Variants in COL27A1 observed in about 807,000 individuals in gnomAD.
COL27A1 encodes the protein collagen alpha-1(XXVII) chain.
COL27A1 carries 106 observed loss-of-function variants against 251.3 expected under a neutral mutation model. The ratio of observed to expected loss-of-function variants is 0.42; its 90% CI spans 0.36 to 0.50. The LOEUF is 0.50. Ranked by LOEUF, COL27A1 falls within the 20% of genes least tolerant of loss-of-function variation. COL27A1 has a pLI of 0.00. For synonymous variants in COL27A1, 1,000 were observed against 986.3 expected, an observed-to-expected ratio of 1.01 and a Z score of -0.26; for missense variants, 2,325 against 2,522.8, an observed-to-expected ratio of 0.92 and a Z score of 1.68.
In COL27A1 at chr9:114,252,604, C is replaced by T. The variant is rs1280779061; in HGVS notation, c.3045C>T (p.Gly1015=). ...TGTCTCCATCACAGGGTGATCGTGGCATGATGGGACCCCCAGGCGTGCCTG... is the reference window on the plus strand; with the variant it reads ...TGTCTCCATCACAGGGTGATCGTGGTATGATGGGACCCCCAGGCGTGCCTG... ...PGIVGEKGDR[G]MMGPPGVPGP... is the part of the protein sequence containing the mutation. The change falls in exon 26 of 61, where the codon GGC becomes GGT. Residue 1015 remains glycine, a synonymous_variant. Coordinates refer to ENST00000356083, the MANE Select transcript of COL27A1 (RefSeq NM_032888.4). The T allele has an allele frequency of 1.2e-6, 2 of 1,613,932 alleles. No individual in the cohort carries two copies. Among genetic ancestry groups the T allele is most frequent in the East Asian group, 4.5e-5 (2 of 44,880 alleles).
chr9:114,238,127 A>G (rs1832522343), intron 19 of COL27A1, among the ~76,000 whole-genome samples: 1 of 152,230 alleles, frequency 6.6e-6, no homozygotes, highest in South Asian at 2.1e-4. Context: ...GCTTCCGGGT[A>G]TGGGGAGCAA....
At chr9:114,214,931 C>A (rs1405271499) in intron 12 of COL27A1, among the ~76,000 whole-genome samples, 2 of 152,278 alleles carry the variant, frequency 1.3e-5, no homozygotes, top group African/African-American at 2.4e-5. Context: ...GTTTCCCAGC[C>A]AAGGGTCTCT....
chr9:114,288,995 G>A (rs201111332), intron 44 of COL27A1, 28 bp downstream of exon 44: 9 of 1,612,620 alleles, frequency 5.6e-6, no homozygotes, highest in Non-Finnish European at 7.6e-6. Context: ...TCCCATCCCT[G>A]CCTCCCACCC....
chr9:114,292,258 C>A, intron 49 of COL27A1, 48 bp downstream of exon 49: 10 of 1,377,910 alleles, frequency 7.3e-6, no homozygotes, highest in Non-Finnish European at 1.0e-5. Context: ...CACACATGCA[C>A]ACACTCACAT....
chr9:114,300,171 C>A (rs370585451), intron 50 of COL27A1, 48 bp downstream of exon 50: 1 of 1,537,706 alleles, frequency 6.5e-7, no homozygotes, highest in Non-Finnish European at 9.0e-7. Context: ...CATCCATTCA[C>A]CCCATTCATT....
At chr9:114,202,220 G>A (rs1196666488) in intron 7 of COL27A1, among the ~76,000 whole-genome samples, 3 of 152,204 alleles carry the variant, frequency 2.0e-5, no homozygotes, top group African/African-American at 7.2e-5. Context: ...TGCTTCCTTT[G>A]TGGGGAGGTT....
intron 27 of COL27A1, among the ~76,000 whole-genome samples, chr9:114,254,739 G>A (rs1267385049): frequency 6.6e-6 from 1 of 152,182 alleles, no homozygotes; most frequent in Admixed American, 6.5e-5. Context: ...AGGGAAGCAA[G>A]GCCAACTCAG....
chr9:114,288,780 T>C (rs764182462), intron 43 of COL27A1, 25 bp downstream of exon 43: 1 of 1,606,980 alleles, frequency 6.2e-7, no homozygotes. Context: ...TCCTACCTGC[T>C]GGCAGGATCG....
At chr9:114,187,026 G>A (rs116288210) in intron 5 of COL27A1, among the ~76,000 whole-genome samples, 209 of 152,344 alleles carry the variant, frequency 1.4e-3, no homozygotes, top group African/African-American at 4.5e-3. Flanking sequence ...CTCTGGTCTG[G>A]TCCACTTGGT....
Position 114,208,174 on chromosome 9 carries a change from G to A in COL27A1, c.2269-1501G>A, listed in dbSNP as rs761572686. 6.2e-4 allele frequency among the ~76,000 whole-genome samples: 95 copies of A among 152,102 alleles called. 1 individual carries two copies. The highest frequency in any genetic ancestry group is 2.2e-3 in the African/African-American group (92 of 41,450). On this transcript the variant is annotated intron_variant, in intron 10 of 60. Coordinates refer to ENST00000356083, the MANE Select transcript of COL27A1 (RefSeq NM_032888.4). ...TCCTCAGGGCTGGGCGCGGTGGCTCGTGCCTGTAATCCCAGCATTTTGGGA... is the reference window on the plus strand; with the variant it reads ...TCCTCAGGGCTGGGCGCGGTGGCTCATGCCTGTAATCCCAGCATTTTGGGA...
chr9:114,182,601 C>G (rs1828018813), intron 4 of COL27A1, among the ~76,000 whole-genome samples: 1 of 152,068 alleles, frequency 6.6e-6, no homozygotes, highest in African/African-American at 2.4e-5. Context: ...CCTGAAGAAG[C>G]TGGGAAGGGC....
At chr9:114,186,578 A>G (rs1473011197) in intron 5 of COL27A1, among the ~76,000 whole-genome samples, 1 of 152,218 alleles carries the variant, frequency 6.6e-6, no homozygotes, top group African/African-American at 2.4e-5. Context: ...ACACCTTCTC[A>G]GAGGGCAGGA....
intron 5 of COL27A1, among the ~76,000 whole-genome samples, chr9:114,185,047 G>A (rs1828234722): frequency 6.6e-6 from 1 of 152,150 alleles, no homozygotes; most frequent in Admixed American, 6.5e-5. Context: ...AGAGCACTGT[G>A]GAACCTCAGT....
chr9:114,295,406 A>G (rs1187002221), intron 49 of COL27A1, among the ~76,000 whole-genome samples: 2 of 152,228 alleles, frequency 1.3e-5, no homozygotes, highest in African/African-American at 4.8e-5. Context: ...TGTAAAGCTT[A>G]TCGGGTTTTC....
rs139712391 is a variant in COL27A1 at position 114,179,832 on chromosome 9, C to CTTTTTT, written c.1962+1509_1962+1514dup. On this transcript the variant is annotated intron_variant, in intron 4 of 60. Transcript: ENST00000356083. ...GCAGTCTGCCTCCAGAGCCTACCAT[C>CTTTTTT]TTTTTTTTTTTTTTTTTTTTTTTTT... 2.3e-4 allele frequency among the ~76,000 whole-genome samples: 23 copies of CTTTTTT among 100,190 alleles called. 2 individuals are homozygous for CTTTTTT. Among genetic ancestry groups the CTTTTTT allele is most frequent in the African/African-American group, 7.0e-4 (19 of 27,300 alleles). The allele number at this position is 100,190 out of a possible 152,430, so 65.7% of individuals were successfully genotyped here.
At chr9:114,301,818 C>A in intron 55 of COL27A1, 101 bp downstream of exon 55, 2 of 1,184,176 alleles carry the variant, frequency 1.7e-6, no homozygotes, top group South Asian at 1.4e-5. Context: ...CTGAACCCCA[C>A]AGGGGTTCTT....
At position 114,304,869 on chromosome 9, in the gene COL27A1, C is replaced by A. The variant is rs146681916; in HGVS notation, c.4938+196C>A. Among the ~76,000 whole-genome samples, 455 of 152,304 alleles carry A rather than the reference C, an allele frequency of 3.0e-3. 4 individuals are homozygous for A. The highest frequency in any genetic ancestry group is 0.012 in the East Asian group (64 of 5,178). The stretch of plus-strand genomic sequence containing the variant: ...GGGCAGTGAGTCCAAGGTCCCATGG[C>A]CAGTGCAGGCAGAGCAAGGCCAGAA... On this transcript the variant is annotated intron_variant, in intron 57 of 60. Transcript: ENST00000356083.
rs911528197 is a variant in COL27A1, at chr9:114,209,803, G to A, written c.2322+75G>A. ...ACAGAGCAGAACCTGCCAGGCACCA[G>A]CCTGGGGAAGTCAAGGAATTCCTCC... On this transcript the variant is annotated intron_variant, in intron 11 of 60. Transcript: ENST00000356083. 1.2e-5 allele frequency: 17 copies of A among 1,429,526 alleles called. No homozygotes were observed. In the African/African-American group the frequency reaches 1.4e-4, roughly 12 times the overall value. 88.6% of individuals were successfully genotyped at this position (1,429,526 alleles called of 1,614,324 possible).
At chr9:114,159,233 T>C (rs1848330739) in intron 1 of COL27A1, among the ~76,000 whole-genome samples, 1 of 152,260 alleles carries the variant, frequency 6.6e-6, no homozygotes, top group Non-Finnish European at 1.5e-5. Context: ...ATGTCTCCTG[T>C]GGACTTCTTC....
Sources: gnomAD v4.1 joint callset for allele counts (sites outside exome capture counted in the v4.1 genomes callset) on GRCh38, gnomAD v4.1.1 for gene constraint, MANE v1.5 for transcripts, NCBI Gene and HGNC (gene_info 2026-07-23, HGNC 2026-07-21) for gene names.